ANO1: variants seen among roughly 807,000 people sequenced by gnomAD.
The protein encoded by ANO1 is anoctamin-1.
Under a neutral mutation model 124.0 loss-of-function variants are expected in ANO1, and 59 were observed. The observed-to-expected ratio is 0.48, with a 90% CI of 0.39 to 0.59. The LOEUF (loss-of-function observed/expected upper bound fraction) is 0.59. ANO1 is among the 20% of genes least tolerant of loss of function. The pLI, the probability that ANO1 is intolerant of heterozygous loss-of-function variation, is 0.00. For synonymous variants in ANO1, 529 were observed against 532.0 expected, an observed-to-expected ratio of 0.99 and a Z score of 0.08; for missense variants, 1,059 against 1,328.0, an observed-to-expected ratio of 0.80 and a Z score of 3.15.
chr11:70,117,512 C>T (rs2046035257), intron 8 of ANO1, among the ~76,000 whole-genome samples: 1 of 152,140 alleles, frequency 6.6e-6, no homozygotes, highest in South Asian at 2.1e-4. Flanking sequence ...CTCTACCATG[C>T]CCCCGAAAAG....
At chr11:70,009,195 T>C (rs1856546858) in intron 1 of ANO1, among the ~76,000 whole-genome samples, 1 of 152,140 alleles carries the variant, frequency 6.6e-6, no homozygotes, top group Admixed American at 6.5e-5. Flanking sequence ...AGGGACACAG[T>C]GGAGTGGTCT....
At chr11:70,138,589 C>G (rs1288671788) in intron 11 of ANO1, among the ~76,000 whole-genome samples, 1 of 152,106 alleles carries the variant, frequency 6.6e-6, no homozygotes, top group Admixed American at 6.5e-5. Flanking sequence ...ATGAGCATCT[C>G]CCGCGTGCTG....
rs374133844 is a variant in ANO1 at position 70,132,012 on chromosome 11, G to A, written c.1191G>A (p.Thr397=). 8.4e-5 allele frequency: 135 copies of A among 1,607,352 alleles called. No individual in the cohort carries two copies. The highest frequency in any genetic ancestry group is 1.0e-4 in the Non-Finnish European group (120 of 1,178,574). The change falls in exon 11 of 26, where the codon ACG becomes ACA. Residue 397 remains threonine (T), a synonymous_variant. Transcript: ENST00000355303. ...GGAAGATGAGCTCAGCCTGCGCCAC[G>A]GCCCGCGCCAGCCACCTCTTCGACA... ...SYWKMSSACA[T]ARASHLFDNP...
At chr11:70,100,988 A>G (rs916499394) in intron 2 of ANO1, among the ~76,000 whole-genome samples, 23 of 152,210 alleles carry the variant, frequency 1.5e-4, no homozygotes, top group Non-Finnish European at 3.1e-4. Context: ...TCGTGGACGC[A>G]GCCGGGGGCC....
At chr11:70,087,687 G>C in intron 1 of ANO1, 65 bp from the exon 2 acceptor site, 1 of 1,414,016 alleles carries the variant, frequency 7.1e-7, no homozygotes, top group African/African-American at 1.4e-5. Context: ...AGGGAGCAGC[G>C]CACCCTCCAA....
Position 70,088,064 on chromosome 11 carries a change from G to C in ANO1, c.421G>C (p.Glu141Gln), listed in dbSNP as rs370422713. Reference sequence around the variant, plus strand: ...GGGCAACCTCCTGGAGGCGGGCCTGGAGCTGGAGCGGGACGAGGACGTAAC... The same window carrying C: ...GGGCAACCTCCTGGAGGCGGGCCTGCAGCTGGAGCGGGACGAGGACGTAAC... ...YEGNLLEAGL[E>Q]LERDEDTKIH... Residue 141 changes from glutamate (E) to glutamine (Q), a missense_variant, in exon 2 of 26, where the codon GAG (glutamate) becomes CAG (glutamine). Coordinates refer to ENST00000355303, the MANE Select transcript of ANO1 (RefSeq NM_018043.7). 1.5e-6 allele frequency: 2 copies of C among 1,374,604 alleles called. No individual in the cohort carries two copies. The highest frequency in any genetic ancestry group is 1.9e-6 in the Non-Finnish European group (2 of 1,055,548). 85.2% of individuals were successfully genotyped at this position (1,374,604 alleles called of 1,614,324 possible). A position where few individuals can be genotyped will look rare whatever the true frequency, so the allele number is the denominator to read the frequency against.
intron 23 of ANO1, among the ~76,000 whole-genome samples, chr11:70,181,577 C>T (rs1049827536): frequency 1.3e-5 from 2 of 152,196 alleles, no homozygotes; most frequent in African/African-American, 4.8e-5. Flanking sequence ...CAACAAGCGG[C>T]GCTGTGAGCA....
intron 11 of ANO1, among the ~76,000 whole-genome samples, chr11:70,145,318 G>C (rs1306565507): frequency 6.6e-6 from 1 of 152,196 alleles, no homozygotes; most frequent in Non-Finnish European, 1.5e-5. Flanking sequence ...AATAGGGCAT[G>C]GTGGGGTCTG....
intron 1 of ANO1, chr11:70,065,482 C>T (rs1857694205): frequency 6.5e-6 from 1 of 152,792 alleles, no homozygotes; most frequent in South Asian, 2.1e-4. Context: ...GGCCACCTTT[C>T]CAGCCCCTCC....
chr11:70,105,013 C>T (rs529236943), intron 4 of ANO1, among the ~76,000 whole-genome samples: 4 of 152,252 alleles, frequency 2.6e-5, no homozygotes, highest in Admixed American at 1.3e-4. Context: ...CAAGCCCAGC[C>T]CTCTCCTCCA....
At chr11:70,153,351 AACAG>A (rs1349279450) in intron 14 of ANO1, among the ~76,000 whole-genome samples, 5 of 152,188 alleles carry the variant, frequency 3.3e-5, no homozygotes, top group African/African-American at 7.2e-5. Flanking sequence ...TATTTGCAAA[AACAG>A]ACAGGGGGCC....
chr11:70,019,238 C>T (rs1320542169), intron 1 of ANO1, among the ~76,000 whole-genome samples: 1 of 26,534 alleles, frequency 3.8e-5, no homozygotes, highest in South Asian at 1.8e-3. Flanking sequence ...GAAAGAAGAA[C>T]CCCCCCACAC....
the ANO1 span, among the ~76,000 whole-genome samples, chr11:69,970,789 G>A: frequency 7.5e-3 from 1,149 of 152,302 alleles, 18 homozygotes; most frequent in African/African-American, 0.027. Context: ...GCTGGTAGGG[G>A]CCTCATGCAG....
chr11:70,095,354 GAAA>G (rs2044858728), intron 2 of ANO1, among the ~76,000 whole-genome samples: 2 of 9,940 alleles, frequency 2.0e-4, no homozygotes, highest in African/African-American at 6.5e-4. Context: ...GAAAAAGAAA[GAAA>G]GAAAGAAAGA....
chr11:69,984,067 G>A (rs1462561673), upstream of ANO1, among the ~76,000 whole-genome samples: 3 of 152,104 alleles, frequency 2.0e-5, no homozygotes, highest in Non-Finnish European at 4.4e-5. Flanking sequence ...ATCATTCCAA[G>A]GGTAAGAATT....
intron 1 of ANO1, among the ~76,000 whole-genome samples, chr11:70,007,060 T>C (rs1351549908): frequency 1.3e-5 from 2 of 152,148 alleles, no homozygotes; most frequent in Non-Finnish European, 2.9e-5. Context: ...CTGTGCATAC[T>C]GAAACTCTGT....
upstream of ANO1, among the ~76,000 whole-genome samples, chr11:69,984,378 ACTGAAACGAGATC>A (rs782208131): frequency 0.87 from 132,127 of 151,730 alleles, 57,932 homozygotes; most frequent in East Asian, 0.99. Context: ...TTGAGTCCGG[ACTGAAACGAGATC>A]ATTTCTGAGT....
At chr11:70,065,397 C>T (rs1307040343) in intron 1 of ANO1, 2 of 152,316 alleles carry the variant, frequency 1.3e-5, no homozygotes, top group Non-Finnish European at 2.9e-5. Flanking sequence ...GGCACTACCC[C>T]CAGCTCGCTG....
chr11:70,067,327 T>TGG (rs1857754035), intron 1 of ANO1, among the ~76,000 whole-genome samples: 1 of 145,820 alleles, frequency 6.9e-6, no homozygotes, highest in Non-Finnish European at 1.5e-5. Context: ...GTGGGTGTTT[T>TGG]TTTTTTTTTT....
Sources: gnomAD v4.1 joint callset for allele counts (sites outside exome capture counted in the v4.1 genomes callset) on GRCh38, gnomAD v4.1.1 for gene constraint, MANE v1.5 for transcripts, NCBI Gene and HGNC (gene_info 2026-07-23, HGNC 2026-07-21) for gene names.